Variants in TYW1B observed in about 807,000 individuals in gnomAD.
TYW1B encodes the protein S-adenosyl-L-methionine-dependent tRNA 4-demethylwyosine synthase TYW1B.
Under a neutral mutation model 86.9 loss-of-function variants are expected in TYW1B, and 73 were observed. The ratio of observed to expected loss-of-function variants is 0.84; its 90% confidence interval spans 0.70 to 1.02. The LOEUF (loss-of-function observed/expected upper bound fraction) is 1.02. Among genes scored for constraint, TYW1B ranks in the 50% least tolerant of loss-of-function variants. The pLI, the probability that TYW1B is intolerant of heterozygous loss-of-function variation, is 0.00. For missense variants in TYW1B, 637 were observed against 827.4 expected, an observed-to-expected ratio of 0.77 and a Z score of 2.82; for synonymous variants, 248 against 292.8, an observed-to-expected ratio of 0.85 and a Z score of 1.56.
At chr7:72,827,339 C>G (rs1788951578) in intron 1 of TYW1B, among the ~76,000 whole-genome samples, 1 of 152,126 alleles carries the variant, frequency 6.6e-6, no homozygotes, top group Non-Finnish European at 1.5e-5. Context: ...ACCTGGGAGG[C>G]AGAGGTTGCA....
chr7:72,632,393 TATATATA>T (rs1812540187), intron 11 of TYW1B, among the ~76,000 whole-genome samples: 1 of 102,632 alleles, frequency 9.7e-6, no homozygotes, highest in African/African-American at 5.0e-5. Context: ...TATACGTATA[TATATATA>T]ATATATATAT....
intron 7 of TYW1B, among the ~76,000 whole-genome samples, chr7:72,760,932 G>A (rs1787676133): frequency 1.3e-5 from 2 of 152,040 alleles, no homozygotes; most frequent in Non-Finnish European, 2.9e-5. Flanking sequence ...ATAAAAACAG[G>A]TGTATATCCT....
At chr7:72,680,403 G>A (rs1329774931) in intron 11 of TYW1B, among the ~76,000 whole-genome samples, 3 of 152,006 alleles carry the variant, frequency 2.0e-5, no homozygotes, top group Non-Finnish European at 2.9e-5. Flanking sequence ...TCTTTCTCCC[G>A]TGCTGGATGC....
At chr7:72,753,422 T>C (rs1209478644) in intron 7 of TYW1B, among the ~76,000 whole-genome samples, 2 of 151,692 alleles carry the variant, frequency 1.3e-5, no homozygotes, top group East Asian at 3.9e-4. Flanking sequence ...GCATCGCAAA[T>C]GGTGGGCTGA....
At chr7:72,742,353 C>G (rs1262184200) in intron 8 of TYW1B, among the ~76,000 whole-genome samples, 6 of 152,166 alleles carry the variant, frequency 3.9e-5, no homozygotes, top group Admixed American at 3.9e-4. Flanking sequence ...AGATCTTGAA[C>G]CCCTGGGCTC....
chr7:72,607,396 A>T (rs1811825849), intron 13 of TYW1B, among the ~76,000 whole-genome samples: 1 of 149,642 alleles, frequency 6.7e-6, no homozygotes, highest in Non-Finnish European at 1.5e-5. Flanking sequence ...TGTCTCTCAA[A>T]AAAAAAAAAA....
intron 13 of TYW1B, among the ~76,000 whole-genome samples, chr7:72,587,464 A>G (rs1233319707): frequency 6.6e-6 from 1 of 152,168 alleles, no homozygotes; most frequent in Admixed American, 6.5e-5. Context: ...GAAGCCAGTG[A>G]GCCAGGAGTG....
chr7:72,622,669 C>G (rs1554438159), intron 12 of TYW1B, among the ~76,000 whole-genome samples: 2 of 151,766 alleles, frequency 1.3e-5, no homozygotes, highest in African/African-American at 2.4e-5. Flanking sequence ...CACACATGCA[C>G]ATACACATAA....
rs570187690 is a variant in TYW1B at position 72,766,858 on chromosome 7, C to T, written c.964+10558G>A. Among the ~76,000 whole-genome samples, 20 of 152,064 alleles carry T rather than the reference C, an allele frequency of 1.3e-4. No individual in the cohort carries two copies. The East Asian group carries it at 3.7e-3, about 28-fold the overall frequency. ...AGGAGAATTCCTTGAACCCAGGAGG[C>T]GGAGGTTGCAGAGAGCTGAGATCAC... is the stretch of plus-strand genomic sequence containing the variant. On this transcript the variant is annotated intron_variant, in intron 7 of 13. Transcript: ENST00000620995.
At chr7:72,651,898 T>C (rs1268660150) in intron 11 of TYW1B, among the ~76,000 whole-genome samples, 12 of 152,208 alleles carry the variant, frequency 7.9e-5, no homozygotes, top group African/African-American at 2.4e-4. Flanking sequence ...ATGTTCATAA[T>C]AGACACAAAT....
At chr7:72,748,833 C>T (rs1220710363) in intron 7 of TYW1B, among the ~76,000 whole-genome samples, 3 of 152,018 alleles carry the variant, frequency 2.0e-5, no homozygotes, top group Non-Finnish European at 4.4e-5. Flanking sequence ...ATTCTATTTG[C>T]TCATATCTTG....
chr7:72,591,441 A>G (rs112266191), intron 13 of TYW1B, among the ~76,000 whole-genome samples: 8 of 152,350 alleles, frequency 5.3e-5, no homozygotes, highest in African/African-American at 1.9e-4. Flanking sequence ...GAAAGCAGCA[A>G]GAGAGCAGTG....
At chr7:72,632,298 T>TATATATATTATATATATATATATAC (rs1387684331) in intron 11 of TYW1B, among the ~76,000 whole-genome samples, 3 of 67,366 alleles carry the variant, frequency 4.5e-5, no homozygotes, top group African/African-American at 3.2e-4. Context: ...TATATATATA[T>TATATATATTATATATATATATATAC]ACGTGTATAT....
rs782055508 is a variant in TYW1B at position 72,807,217 on chromosome 7, A to G, written c.572T>C (p.Ile191Thr). ...TTTCTGAAGTGCCTGCAGCTGGGAG[A>G]TGAACTTGGTCTTCCATGCTCTGAA... ...ANFRAWKTKF[I>T]SQLQALQKGE... is the part of the protein sequence containing the mutation. The change falls in exon 5 of 14, where the codon ATC (isoleucine) becomes ACC (threonine). Residue 191 changes from isoleucine (I) to threonine (T), a missense_variant. Coordinates refer to ENST00000620995, the MANE Select transcript of TYW1B (RefSeq NM_001145440.3). 3.0e-5 allele frequency: 48 copies of G among 1,613,932 alleles called. No homozygotes were observed. Among genetic ancestry groups the G allele is most frequent in the Middle Eastern group, 3.3e-4 (2 of 6,084 alleles).
chr7:72,701,324 C>T (rs1213877065), intron 10 of TYW1B, among the ~76,000 whole-genome samples: 1 of 152,138 alleles, frequency 6.6e-6, no homozygotes, highest in Non-Finnish European at 1.5e-5. Context: ...AGTGCAGTCG[C>T]ATGATCATGG....
intron 13 of TYW1B, among the ~76,000 whole-genome samples, chr7:72,598,480 C>T (rs1811586332): frequency 6.6e-6 from 1 of 152,024 alleles, no homozygotes; most frequent in Admixed American, 6.6e-5. Context: ...AAAAGTTGTA[C>T]AGAAAAGGGA....
intron 3 of TYW1B, among the ~76,000 whole-genome samples, chr7:72,811,094 A>G (rs1387189276): frequency 6.6e-6 from 1 of 151,760 alleles, no homozygotes; most frequent in African/African-American, 2.4e-5. Flanking sequence ...ACACGGTGAA[A>G]CCCGGTCTTT....
intron 11 of TYW1B, among the ~76,000 whole-genome samples, chr7:72,630,699 C>T (rs1197533942): frequency 1.3e-5 from 2 of 152,166 alleles, no homozygotes; most frequent in African/African-American, 2.4e-5. Context: ...AGCATATTTA[C>T]TCATGTGTAC....
At chr7:72,706,082 G>A (rs529848133) in intron 10 of TYW1B, among the ~76,000 whole-genome samples, 6 of 152,148 alleles carry the variant, frequency 3.9e-5, no homozygotes, top group Non-Finnish European at 8.8e-5. Context: ...ACTTTTAAGA[G>A]GGAAAAGAAT....
Sources: allele counts gnomAD v4.1 joint callset (sites outside exome capture counted in the v4.1 genomes callset), GRCh38; gene constraint gnomAD v4.1.1; transcripts MANE v1.5; gene names NCBI Gene and HGNC (gene_info 2026-07-23, HGNC 2026-07-21).